Variants in XXYLT1 observed in about 807,000 individuals in gnomAD.
XXYLT1 encodes xyloside xylosyltransferase 1, also known as UDP-xylose:alpha-xyloside alpha-1,3-xylosyltransferase.
A neutral mutation model predicts 28.9 loss-of-function variants in XXYLT1; 20 were observed. The ratio of observed to expected loss-of-function variants is 0.69; its 90% CI spans 0.49 to 1.00. The LOEUF (loss-of-function observed/expected upper bound fraction) is 1.00, where lower values mean the gene tolerates loss of function less well. Among genes scored for constraint, XXYLT1 ranks in the 50% least tolerant of loss-of-function variants. The pLI, the probability that XXYLT1 is intolerant of heterozygous loss-of-function variation, is 0.00. For synonymous variants in XXYLT1, 257 were observed against 253.8 expected (o/e 1.01, Z -0.12); for missense variants, 542 against 560.1 (o/e 0.97, Z 0.33).
In XXYLT1 at chr3:195,186,282, C is replaced by T. The variant is rs574387142; in HGVS notation, c.653-29701G>A. On this transcript the variant is annotated intron_variant, in intron 2 of 3. Transcript: ENST00000310380. Reference sequence around the variant, plus strand: ...CTTTCAGGTCCATCCCACAGAAGAACGCATGCAAAAGTACTTAAGTCACTG... The same window carrying T: ...CTTTCAGGTCCATCCCACAGAAGAATGCATGCAAAAGTACTTAAGTCACTG... Among the ~76,000 whole-genome samples, 6 of 152,290 alleles carry T rather than the reference C, an allele frequency of 3.9e-5. No individual in the cohort carries two copies. In the South Asian group the frequency reaches 6.2e-4, roughly 16 times the overall value.
intron 1 of XXYLT1, among the ~76,000 whole-genome samples, chr3:195,238,065 C>G (rs75565293): frequency 0.057 from 8,713 of 152,196 alleles, 854 homozygotes; most frequent in African/African-American, 0.2. Context: ...AGACCTCCGA[C>G]GACTCGTCGC....
rs142719949 is a variant in XXYLT1 at position 195,142,125 on chromosome 3, C to A, written c.785+14324G>T. On this transcript the variant is annotated intron_variant, in intron 3 of 3. Coordinates refer to ENST00000310380, the MANE Select transcript of XXYLT1 (RefSeq NM_152531.5). The stretch of plus-strand genomic sequence containing the variant: ...CCCCTGCCTTGGTTCCCTCCCCAGT[C>A]TCTCCTCTTCCGACCCTCCCTGCTC... Among the ~76,000 whole-genome samples, 278 of 152,342 alleles carry A rather than the reference C, an allele frequency of 1.8e-3. 4 individuals carry two copies. Among genetic ancestry groups the A allele is most frequent in the African/African-American group, 4.6e-3 (192 of 41,588 alleles).
chr3:195,112,837 GCA>G (rs1317937598), intron 3 of XXYLT1, among the ~76,000 whole-genome samples: 1 of 143,632 alleles, frequency 7.0e-6, no homozygotes, highest in Non-Finnish European at 1.5e-5. Flanking sequence ...GCGCACACAC[GCA>G]CACACACCCA....
chr3:195,219,274 C>G (rs762140140), intron 2 of XXYLT1, among the ~76,000 whole-genome samples: 1 of 152,268 alleles, frequency 6.6e-6, no homozygotes, highest in East Asian at 1.9e-4. Flanking sequence ...ATGTAACTAA[C>G]CTGCACAATG....
chr3:195,187,861 C>T (rs1421768568), intron 2 of XXYLT1, among the ~76,000 whole-genome samples: 1 of 152,196 alleles, frequency 6.6e-6, no homozygotes, highest in African/African-American at 2.4e-5. Flanking sequence ...TAAAACCTCC[C>T]TTTCTTCCTA....
At chr3:195,235,949 GAC>G (rs2108815654) in intron 1 of XXYLT1, among the ~76,000 whole-genome samples, 1 of 144,278 alleles carries the variant, frequency 6.9e-6, no homozygotes, top group Admixed American at 6.7e-5. Flanking sequence ...CATAGACATA[GAC>G]ATAGAGATAT....
chr3:195,080,741 G>A lies in XXYLT1; in HGVS notation c.786-10630C>T, dbSNP rs544735488. 2.0e-5 allele frequency among the ~76,000 whole-genome samples: 3 copies of A among 152,308 alleles called. No individual in the cohort carries two copies. The East Asian group carries it at 5.8e-4, about 29-fold the overall frequency. On this transcript the variant is annotated intron_variant, in intron 3 of 3. Transcript: ENST00000310380. Reference sequence around the variant, plus strand: ...GTGGGAAAGGCGGCAGGGAGGGTATGTGTGGAATTTAACCTTGTGTCCCCA... The same window carrying A: ...GTGGGAAAGGCGGCAGGGAGGGTATATGTGGAATTTAACCTTGTGTCCCCA...
intron 3 of XXYLT1, among the ~76,000 whole-genome samples, chr3:195,132,760 C>T (rs873120): frequency 3.3e-5 from 5 of 152,008 alleles, no homozygotes; most frequent in African/African-American, 7.3e-5. Context: ...GCCAGCAGAC[C>T]GTAGTGAAGC....
chr3:195,269,115 C>T (rs1280505428), intron 1 of XXYLT1, among the ~76,000 whole-genome samples: 1 of 152,218 alleles, frequency 6.6e-6, no homozygotes, highest in Non-Finnish European at 1.5e-5. Flanking sequence ...AGCGCTGCAG[C>T]GGGAGCTGGG....
intron 2 of XXYLT1, among the ~76,000 whole-genome samples, chr3:195,169,179 G>A (rs1721273255): frequency 6.6e-6 from 1 of 152,258 alleles, no homozygotes; most frequent in African/African-American, 2.4e-5. Context: ...GTCCCTGCTG[G>A]CCGCGGCAAC....
At chr3:195,247,807 CA>C in intron 1 of XXYLT1, 1 of 702,710 alleles carries the variant, frequency 1.4e-6, no homozygotes, top group East Asian at 2.7e-5. Context: ...AGGAAACACA[CA>C]ATCACGGCGG....
intron 2 of XXYLT1, among the ~76,000 whole-genome samples, chr3:195,201,441 T>C (rs1722846108): frequency 6.6e-6 from 1 of 152,214 alleles, no homozygotes; most frequent in African/African-American, 2.4e-5. Context: ...TCCCAATGTA[T>C]TCTCAAACCT....
chr3:195,182,854 C>A, intron 2 of XXYLT1, among the ~76,000 whole-genome samples: 1 of 152,204 alleles, frequency 6.6e-6, no homozygotes, highest in Non-Finnish European at 1.5e-5. Flanking sequence ...AAACAACTCC[C>A]TGAACCCCAA....
In XXYLT1 at chr3:195,133,013, G is replaced by A. The variant is rs560491548; in HGVS notation, c.785+23436C>T. Among the ~76,000 whole-genome samples the A allele has an allele frequency of 2.0e-5, 3 of 152,148 alleles. No individual in the cohort carries two copies. The highest frequency in any genetic ancestry group is 6.6e-5 in the Admixed American group (1 of 15,264). ...GTAACTACATTCTGTAAACTGAATC[G>A]TCCTGCTGAGTTCTAGTGAAACAAA... On this transcript the variant is annotated intron_variant, in intron 3 of 3. Transcript: ENST00000310380. The surrounding 1 kb of genome is among the most constrained non-coding windows in gnomAD (Gnocchi z 4.4).
chr3:195,233,671 TTTTAAC>T (rs56967199), intron 1 of XXYLT1, among the ~76,000 whole-genome samples: 8,695 of 152,218 alleles, frequency 0.057, 834 homozygotes, highest in African/African-American at 0.2. Flanking sequence ...TCTCCCCACT[TTTTAAC>T]TTTTTGTTGT....
At chr3:195,264,557 C>T (rs1725784647) in intron 1 of XXYLT1, among the ~76,000 whole-genome samples, 1 of 152,230 alleles carries the variant, frequency 6.6e-6, no homozygotes, top group African/African-American at 2.4e-5. Context: ...TTATTTCTCT[C>T]TGTAGAATTG....
intron 2 of XXYLT1, among the ~76,000 whole-genome samples, chr3:195,192,006 G>A (rs1002430354): frequency 3.3e-5 from 5 of 152,282 alleles, no homozygotes; most frequent in African/African-American, 1.2e-4. Context: ...TGACCTAACT[G>A]ACATATATGG....
chr3:195,260,819 C>T (rs1725674284), intron 1 of XXYLT1, among the ~76,000 whole-genome samples: 1 of 152,190 alleles, frequency 6.6e-6, no homozygotes, highest in African/African-American at 2.4e-5. Context: ...CTTCCTGTTC[C>T]GATGTTTGGC....
Position 195,069,639 on chromosome 3 carries a change from T to C in XXYLT1, c.*76A>G. On this transcript the variant is annotated 3_prime_UTR_variant, in exon 4 of 4. Transcript: ENST00000310380. ...GGTGTCTCTCTAGCGGGTCAGACAC[T>C]GCCCTTGGGTCTGTCCCAAGGAACC... is the stretch of plus-strand genomic sequence containing the variant. The C allele has an allele frequency of 6.6e-7, 1 of 1,509,766 alleles. No homozygotes were observed. The allele number at this position is 1,509,766 out of a possible 1,614,324, so 93.5% of individuals were successfully genotyped here.
Sources: allele counts gnomAD v4.1 joint callset (sites outside exome capture counted in the v4.1 genomes callset), GRCh38; gene constraint gnomAD v4.1.1; non-coding constraint Gnocchi (gnomAD v3.1); transcripts MANE v1.5; gene names NCBI Gene and HGNC (gene_info 2026-07-23, HGNC 2026-07-21).